The following GRIK2 variants were observed in gnomAD, a reference collection of about 807,000 sequenced individuals.
GRIK2 encodes glutamate ionotropic receptor kainate type subunit 2.
Under a neutral mutation model 100.3 loss-of-function variants are expected in GRIK2, and 32 were observed. The observed-to-expected ratio is 0.32, with a 90% CI of 0.24 to 0.43. The LOEUF (loss-of-function observed/expected upper bound fraction) is 0.43, where lower values mean the gene tolerates loss of function less well. Ranked by LOEUF, GRIK2 falls within the 20% of genes least tolerant of loss-of-function variation. GRIK2 has a pLI of 1.00. For synonymous variants in GRIK2, 417 were observed against 389.4 expected (o/e 1.07, Z -0.83); for missense variants, 843 against 1,114.9 (o/e 0.76, Z 3.47).
chr6:101,495,196 C>G (rs974069160), intron 2 of GRIK2, among the ~76,000 whole-genome samples: 4 of 151,658 alleles, frequency 2.6e-5, no homozygotes, highest in Admixed American at 6.6e-5. Flanking sequence ...TATTAATTCT[C>G]TCATTTAGCC....
intron 10 of GRIK2, among the ~76,000 whole-genome samples, chr6:101,821,461 A>T (rs575207020): frequency 6.6e-6 from 1 of 152,252 alleles, no homozygotes; most frequent in Non-Finnish European, 1.5e-5. Flanking sequence ...ATCTATAACC[A>T]TGATTAAGAA....
chr6:102,053,389 T>A (rs1771302967), intron 15 of GRIK2, among the ~76,000 whole-genome samples: 1 of 152,138 alleles, frequency 6.6e-6, no homozygotes, highest in Non-Finnish European at 1.5e-5. Context: ...TCAAGCAAAA[T>A]GACCTTAGTT....
intron 7 of GRIK2, among the ~76,000 whole-genome samples, chr6:101,700,633 G>A (rs1772826636): frequency 6.6e-6 from 1 of 152,134 alleles, no homozygotes; most frequent in Non-Finnish European, 1.5e-5. Flanking sequence ...GGACTGAGGT[G>A]CCAATATATT....
At chr6:101,758,450 G>A (rs1463123875) in intron 7 of GRIK2, among the ~76,000 whole-genome samples, 2 of 152,066 alleles carry the variant, frequency 1.3e-5, no homozygotes, top group Non-Finnish European at 2.9e-5. Context: ...ATTATTAAGT[G>A]CACATTGTTT....
chr6:101,776,343 C>T (rs951759765), intron 7 of GRIK2, among the ~76,000 whole-genome samples: 2 of 151,880 alleles, frequency 1.3e-5, no homozygotes, highest in African/African-American at 4.8e-5. Context: ...AGCAAGCACA[C>T]AACATTATAA....
At chr6:101,862,026 T>C (rs1784761602) in intron 11 of GRIK2, among the ~76,000 whole-genome samples, 1 of 152,166 alleles carries the variant, frequency 6.6e-6, no homozygotes, top group Admixed American at 6.5e-5. Context: ...AATAAATGAT[T>C]ACAACGGAAC....
chr6:101,737,479 C>A (rs949071900), intron 7 of GRIK2, among the ~76,000 whole-genome samples: 1 of 152,080 alleles, frequency 6.6e-6, no homozygotes, highest in African/African-American at 2.4e-5. Flanking sequence ...AAAGAGAGAG[C>A]TTGTGTAGGG....
rs1274002375 is a variant in GRIK2 at position 101,417,767 on chromosome 6, G to A, written c.115+18375G>A. On this transcript the variant is annotated intron_variant, in intron 2 of 16. Coordinates refer to ENST00000369134, the MANE Select transcript of GRIK2 (RefSeq NM_021956.5). ...GTAGGATCTGATCTAGAAAAGGCAC[G>A]GAAAATGTGGTCAGAAAGATTGGGA... Among the ~76,000 whole-genome samples, 7 of 152,216 alleles carry A rather than the reference G, an allele frequency of 4.6e-5. No individual in the cohort carries two copies. The South Asian group carries it at 8.3e-4, about 18-fold the overall frequency.
At chr6:101,418,782 C>T (rs1416614846) in intron 2 of GRIK2, among the ~76,000 whole-genome samples, 1 of 152,090 alleles carries the variant, frequency 6.6e-6, no homozygotes, top group East Asian at 1.9e-4. Context: ...TGAAAAATAG[C>T]AATTTGAACA....
At chr6:101,777,785 C>T (rs959306485) in intron 7 of GRIK2, among the ~76,000 whole-genome samples, 25 of 152,068 alleles carry the variant, frequency 1.6e-4, no homozygotes, top group Non-Finnish European at 1.3e-4. Flanking sequence ...AGCTAGCATT[C>T]GGATCTCAAA....
At position 101,419,395 on chromosome 6, in the gene GRIK2, C is replaced by T. The variant is rs139101760; in HGVS notation, c.115+20003C>T. Among the ~76,000 whole-genome samples, 27 of 152,270 alleles carry T rather than the reference C, an allele frequency of 1.8e-4. No individual in the cohort carries two copies. The East Asian group carries it at 5.0e-3, about 28-fold the overall frequency. ...GGGAGGGGTGGAGGTATTTGGGCCT[C>T]TTGGGAACATACAAAGGTGGCTGAG... On this transcript the variant is annotated intron_variant, in intron 2 of 16. Transcript: ENST00000369134.
intron 15 of GRIK2, among the ~76,000 whole-genome samples, chr6:102,041,428 G>A (rs1414788776): frequency 6.6e-6 from 1 of 151,566 alleles, no homozygotes; most frequent in African/African-American, 2.4e-5. Flanking sequence ...AGGTGGGTAA[G>A]ATCAATGAGG....
chr6:101,556,321 A>ATTTTTTTTTTGTTTTTTT (rs1776737040), intron 2 of GRIK2, among the ~76,000 whole-genome samples: 1 of 59,396 alleles, frequency 1.7e-5, no homozygotes, highest in Non-Finnish European at 3.6e-5. Context: ...TATATTGGTA[A>ATTTTTTTTTTGTTTTTTT]TTTTTTTTTT....
At chr6:101,533,541 G>A (rs1775545494) in intron 2 of GRIK2, among the ~76,000 whole-genome samples, 1 of 151,856 alleles carries the variant, frequency 6.6e-6, no homozygotes. Context: ...AGGTATCATA[G>A]TGCCTATGAG....
chr6:101,718,617 A>C (rs942792597), intron 7 of GRIK2, among the ~76,000 whole-genome samples: 1 of 151,904 alleles, frequency 6.6e-6, no homozygotes, highest in Non-Finnish European at 1.5e-5. Flanking sequence ...TGTCCCTTCC[A>C]GTGTATTGTG....
At chr6:101,471,850 T>G (rs1435263876) in intron 2 of GRIK2, among the ~76,000 whole-genome samples, 1 of 151,924 alleles carries the variant, frequency 6.6e-6, no homozygotes, top group Non-Finnish European at 1.5e-5. Flanking sequence ...GATTCTTTCA[T>G]TAATAGCTCA....
At chr6:101,723,567 A>G (rs1406018156) in intron 7 of GRIK2, among the ~76,000 whole-genome samples, 1 of 152,074 alleles carries the variant, frequency 6.6e-6, no homozygotes, top group Non-Finnish European at 1.5e-5. Flanking sequence ...ACTACACTGC[A>G]ATACCTATAA....
At chr6:101,748,915 T>C (rs894208321) in intron 7 of GRIK2, among the ~76,000 whole-genome samples, 6 of 152,182 alleles carry the variant, frequency 3.9e-5, no homozygotes, top group East Asian at 1.9e-4. Flanking sequence ...AGCCTGACAG[T>C]AAATACTAAA....
At chr6:101,958,257 G>C (rs982742348) in intron 14 of GRIK2, among the ~76,000 whole-genome samples, 100 of 143,004 alleles carry the variant, frequency 7.0e-4, no homozygotes, top group African/African-American at 2.8e-3. Flanking sequence ...ACATATTTGT[G>C]TGTGTGTGTG....
Sources: gnomAD v4.1 joint callset for allele counts (sites outside exome capture counted in the v4.1 genomes callset) on GRCh38, gnomAD v4.1.1 for gene constraint, MANE v1.5 for transcripts, NCBI Gene and HGNC (gene_info 2026-07-23, HGNC 2026-07-21) for gene names.